The following RASSF8 variants were observed in gnomAD, a reference collection of about 807,000 sequenced individuals.
RASSF8 encodes ras association domain-containing protein 8.
In RASSF8, 22 loss-of-function variants were observed where a neutral mutation model predicts 48.5. The observed-to-expected ratio is 0.45, with a 90% CI of 0.32 to 0.65. The LOEUF (loss-of-function observed/expected upper bound fraction) is 0.65, where lower values mean the gene tolerates loss of function less well. Ranked by LOEUF, RASSF8 falls within the 30% of genes least tolerant of loss-of-function variation. The pLI is 0.03. For synonymous variants in RASSF8, 127 were observed against 171.5 expected, an observed-to-expected ratio of 0.74 and a Z score of 2.03; for missense variants, 418 against 489.2, an observed-to-expected ratio of 0.85 and a Z score of 1.37.
In RASSF8 at chr12:26,035,505, T is replaced by C. The variant is rs887090778; in HGVS notation, c.-108-19731T>C. ...TATATAATTATATGAAATTATATAA[T>C]TATATAATATAATTATATGAAATTA... On this transcript the variant is annotated intron_variant, in intron 2 of 5. Coordinates refer to ENST00000689635, the MANE Select transcript of RASSF8 (RefSeq NM_001394098.1). 1.5e-3 allele frequency among the ~76,000 whole-genome samples: 212 copies of C among 143,332 alleles called. 1 individual carries two copies. The highest frequency in any genetic ancestry group is 5.1e-3 in the African/African-American group (199 of 39,386). 94.0% of individuals were successfully genotyped at this position (143,332 alleles called of 152,430 possible).
intron 2 of RASSF8, among the ~76,000 whole-genome samples, chr12:26,007,600 C>T (rs958857488): frequency 5.9e-5 from 9 of 152,158 alleles, no homozygotes; most frequent in Non-Finnish European, 1.3e-4. Flanking sequence ...GTGAGTGGGT[C>T]TTTAGAGAGG....
intron 1 of RASSF8, among the ~76,000 whole-genome samples, chr12:25,963,716 G>C (rs1941291938): frequency 6.6e-6 from 1 of 152,150 alleles, no homozygotes; most frequent in African/African-American, 2.4e-5. Flanking sequence ...TCTGGACCCT[G>C]AGGTTTCCGT....
At chr12:25,993,613 T>C (rs1942064085) in intron 1 of RASSF8, among the ~76,000 whole-genome samples, 1 of 152,220 alleles carries the variant, frequency 6.6e-6, no homozygotes, top group African/African-American at 2.4e-5. Context: ...CCAGTCGTCT[T>C]TCGCAGCAGG....
In RASSF8 at chr12:26,064,602, G is replaced by A. The variant is rs748139560; in HGVS notation, c.208G>A (p.Ala70Thr). 1.2e-6 allele frequency: 2 copies of A among 1,614,158 alleles called. No individual in the cohort carries two copies. The highest frequency in any genetic ancestry group is 8.5e-7 in the Non-Finnish European group (1 of 1,180,034). ...IISLNKWGQY[A>T]SDVQLILRRT... The stretch of plus-strand genomic sequence containing the variant: ...ATCCTTAAACAAATGGGGGCAGTAT[G>A]CTAGTGATGTGCAGCTCATTCTACG... Residue 70 changes from alanine (A) to threonine (T), a missense_variant, in exon 4 of 6, where the codon GCT becomes ACT. Ala to Thr is a moderately conservative substitution (Grantham distance 58). Coordinates refer to ENST00000689635, the MANE Select transcript of RASSF8 (RefSeq NM_001394098.1).
chr12:25,991,910 A>C (rs1354383603), intron 1 of RASSF8, among the ~76,000 whole-genome samples: 2 of 152,200 alleles, frequency 1.3e-5, no homozygotes, highest in Non-Finnish European at 2.9e-5. Context: ...TTAATGTTTG[A>C]ATCACGTTAA....
intron 1 of RASSF8, among the ~76,000 whole-genome samples, chr12:25,982,800 T>G (rs904613476): frequency 2.0e-5 from 3 of 152,210 alleles, no homozygotes; most frequent in African/African-American, 7.2e-5. Context: ...GAAATATAAC[T>G]TCCTTTGACC....
intron 2 of RASSF8, among the ~76,000 whole-genome samples, chr12:26,039,840 A>G (rs901602902): frequency 2.0e-5 from 3 of 152,234 alleles, no homozygotes; most frequent in East Asian, 1.9e-4. Flanking sequence ...GGTATAACTA[A>G]TGGCTTAATG....
At chr12:26,068,592 C>A in intron 5 of RASSF8, 105 bp from the exon 6 acceptor site, 1 of 873,972 alleles carries the variant, frequency 1.1e-6, no homozygotes, top group Non-Finnish European at 1.8e-6. Flanking sequence ...AATTATTGCT[C>A]TATGCAGTTT....
chr12:26,068,712 C>T lies in RASSF8; in HGVS notation c.1154C>T (p.Ser385Phe), dbSNP rs1321422120. ...TCCTGTTTAGAGGCACCATTCCAGTCTGGGTCCCTGAAGCGACCTGGTTCA... is the reference window on the plus strand; with the variant it reads ...TCCTGTTTAGAGGCACCATTCCAGTTTGGGTCCCTGAAGCGACCTGGTTCA... ...ADIEREAPFQ[S>F]GSLKRPGSSR... The change falls in exon 6 of 6, where the codon TCT becomes TTT. Residue 385 changes from serine (S) to phenylalanine (F), a missense_variant. Coordinates refer to ENST00000689635, the MANE Select transcript of RASSF8 (RefSeq NM_001394098.1). 1 of 1,537,286 alleles carries T rather than the reference C, an allele frequency of 6.5e-7. No individual in the cohort carries two copies. Among genetic ancestry groups the T allele is most frequent in the East Asian group, 2.4e-5 (1 of 40,914 alleles).
intron 2 of RASSF8, among the ~76,000 whole-genome samples, chr12:26,004,990 CA>C (rs1164667469): frequency 1.3e-5 from 2 of 150,234 alleles, no homozygotes; most frequent in Non-Finnish European, 3.0e-5. Context: ...CCTGTCTTTA[CA>C]AAAAGTTAAA....
intron 2 of RASSF8, among the ~76,000 whole-genome samples, chr12:26,005,052 T>C (rs1018950161): frequency 4.6e-5 from 7 of 152,162 alleles, no homozygotes; most frequent in African/African-American, 1.7e-4. Flanking sequence ...TTTCTCATTG[T>C]TTTTCCTCTA....
chr12:26,032,396 T>C (rs925657882), intron 2 of RASSF8, among the ~76,000 whole-genome samples: 1 of 152,198 alleles, frequency 6.6e-6, no homozygotes. Context: ...GGAATGTTGA[T>C]AGAAAACAAA....
Position 26,078,892 on chromosome 12 carries a change from G to A in RASSF8, c.1139-141G>A, listed in dbSNP as rs11048403. ...AAACTTAAATGAATATTTCTAGAAG[G>A]TTCTCAAAAAAAAAGGCGCTAACCG... On this transcript the variant is annotated intron_variant, in intron 5 of 5. Coordinates refer to the RASSF8 transcript ENST00000381352. The A allele has an allele frequency of 8.2e-6, 5 of 606,598 alleles. No individual in the cohort carries two copies. The Admixed American group carries it at 1.2e-4, about 15-fold the overall frequency. 37.6% of individuals were successfully genotyped at this position (606,598 alleles called of 1,614,324 possible). A position where few individuals can be genotyped will look rare whatever the true frequency, so the allele number is the denominator to read the frequency against.
rs1943843669 is a variant in RASSF8, at chr12:26,065,234, A to G, written c.840A>G (p.Glu280=). 1 of 1,614,188 alleles carries G rather than the reference A, an allele frequency of 6.2e-7. No homozygotes were observed. Among genetic ancestry groups the G allele is most frequent in the African/African-American group, 1.3e-5 (1 of 75,068 alleles). ...SGLEAEKLQR[E]VQEAQVNEEE... ...TTGAAGCAGAAAAATTGCAACGGGA[A>G]GTTCAAGAGGCACAGGTCAATGAGG... The change falls in exon 4 of 6, where the codon GAA becomes GAG. Residue 280 remains glutamate, a synonymous_variant. Transcript: ENST00000689635.
At chr12:25,963,346 C>T (rs1261729390) in intron 1 of RASSF8, among the ~76,000 whole-genome samples, 2 of 130,814 alleles carry the variant, frequency 1.5e-5, no homozygotes, top group African/African-American at 5.7e-5. Context: ...AAAAAAAAGT[C>T]TCATGACCTT....
chr12:26,039,309 G>T lies in RASSF8; in HGVS notation c.-108-15927G>T, dbSNP rs189734963. Among the ~76,000 whole-genome samples, 38 of 152,206 alleles carry T rather than the reference G, an allele frequency of 2.5e-4. No homozygotes were observed. In the East Asian group the frequency reaches 6.9e-3, roughly 28 times the overall value. The stretch of plus-strand genomic sequence containing the variant: ...TGCTCATAGTTCCCTTGTGAGACTG[G>T]GGGGGATAATAGCAGGTCCAGGTGG... On this transcript the variant is annotated intron_variant, in intron 2 of 5. Coordinates refer to ENST00000689635, the MANE Select transcript of RASSF8 (RefSeq NM_001394098.1).
chr12:26,006,635 A>C (rs1942398455), intron 2 of RASSF8, among the ~76,000 whole-genome samples: 1 of 152,180 alleles, frequency 6.6e-6, no homozygotes, highest in Non-Finnish European at 1.5e-5. Context: ...GAACTAGGGC[A>C]CTATTGATAA....
rs559105827 is a variant in RASSF8, at chr12:25,996,094, A to T, written c.-109+964A>T. On this transcript the variant is annotated intron_variant, in intron 2 of 5. Coordinates refer to ENST00000689635, the MANE Select transcript of RASSF8 (RefSeq NM_001394098.1). ...CACCAGTTCAGTTGCCCTTTTGTAG[A>T]CCCTGGTATGTTGCTTACAGCATTA... 2.0e-5 allele frequency among the ~76,000 whole-genome samples: 3 copies of T among 152,262 alleles called. 1 individual carries two copies. In the East Asian group the frequency reaches 5.8e-4, roughly 29 times the overall value.
rs536324101 is a variant in RASSF8 at position 26,046,008 on chromosome 12, A to G, written c.-108-9228A>G. 2.2e-4 allele frequency among the ~76,000 whole-genome samples: 33 copies of G among 152,290 alleles called. No homozygotes were observed. In the South Asian group the frequency reaches 6.6e-3, roughly 31 times the overall value. On this transcript the variant is annotated intron_variant, in intron 2 of 5. Coordinates refer to ENST00000689635, the MANE Select transcript of RASSF8 (RefSeq NM_001394098.1). The stretch of plus-strand genomic sequence containing the variant: ...TGGCAGACAGATTTTAATGGAAAGG[A>G]CATAGATTTGGGCGATCAGATAACA...
Sources: gnomAD v4.1 joint callset for allele counts (sites outside exome capture counted in the v4.1 genomes callset) on GRCh38, gnomAD v4.1.1 for gene constraint, MANE v1.5 for transcripts, NCBI Gene and HGNC (gene_info 2026-07-23, HGNC 2026-07-21) for gene names.